GTF3C2: variants seen among roughly 807,000 people sequenced by gnomAD.
GTF3C2 encodes the protein general transcription factor 3C polypeptide 2.
Under a neutral mutation model 117.4 loss-of-function variants are expected in GTF3C2, and 17 were observed. The ratio of observed to expected loss-of-function variants is 0.14; its 90% CI spans 0.10 to 0.22. The LOEUF is 0.22. GTF3C2 is among the 10% of genes least tolerant of loss of function. The pLI is 1.00. For missense variants in GTF3C2, 888 were observed against 1,143.6 expected (o/e 0.78, Z 3.22); for synonymous variants, 437 against 427.0 (o/e 1.02, Z -0.29).
chr2:27,326,109 C>T (rs1028253193), exon 19 of GTF3C2: 18 of 425,130 alleles, frequency 4.2e-5, no homozygotes, highest in Non-Finnish European at 7.7e-5. Context: ...AGATCTGAGC[C>T]ACTGTTCTAT....
Position 27,341,821 on chromosome 2 carries a change from C to T in GTF3C2, c.855+127G>A, listed in dbSNP as rs535704706. 212 of 781,560 alleles carry T rather than the reference C, an allele frequency of 2.7e-4. No individual in the cohort carries two copies. The African/African-American group carries it at 3.5e-3, about 13-fold the overall frequency. The allele number at this position is 781,560 out of a possible 1,614,324, so 48.4% of individuals were successfully genotyped here. A position where few individuals can be genotyped will look rare whatever the true frequency, so the allele number is the denominator to read the frequency against. On this transcript the variant is annotated intron_variant, in intron 4 of 18. Transcript: ENST00000264720. ...ATGCCAAATGTTTTGGAAATGGACC[C>T]TTTTTTCTTTAACCTGTTTTGTCTA...
chr2:27,348,246 G>A (rs983043575), intron 1 of GTF3C2, among the ~76,000 whole-genome samples: 12 of 148,414 alleles, frequency 8.1e-5, no homozygotes, highest in Admixed American at 2.0e-4. Context: ...CAGCCTGGGC[G>A]ACAGAGCAGG....
chr2:27,345,720 T>C (rs2148320135), intron 1 of GTF3C2, among the ~76,000 whole-genome samples: 1 of 151,806 alleles, frequency 6.6e-6, no homozygotes, highest in South Asian at 2.1e-4. Flanking sequence ...TTTTCCTTTT[T>C]TTTTTTTTTT....
At chr2:27,346,314 G>A (rs909388269) in intron 1 of GTF3C2, among the ~76,000 whole-genome samples, 5 of 130,830 alleles carry the variant, frequency 3.8e-5, no homozygotes, top group Admixed American at 8.1e-5. Context: ...GTTAGCCACC[G>A]TGCCCATTCT....
At chr2:27,328,253 TG>T in intron 16 of GTF3C2, 64 bp from the exon 17 acceptor site, 1 of 1,366,000 alleles carries the variant, frequency 7.3e-7, no homozygotes, top group Non-Finnish European at 1.0e-6. Flanking sequence ...CAGAGGAAAG[TG>T]GTTTGGGCAG....
chr2:27,335,154 T>C (rs1039713897), intron 10 of GTF3C2, among the ~76,000 whole-genome samples: 1 of 152,200 alleles, frequency 6.6e-6, no homozygotes, highest in African/African-American at 2.4e-5. Context: ...CTCCTTTTGC[T>C]CATCTTCAGC....
At chr2:27,326,633 T>C in exon 19 of GTF3C2, 2 of 1,470,970 alleles carry the variant, frequency 1.4e-6, no homozygotes, top group African/African-American at 2.8e-5. Context: ...GGGCCATTTG[T>C]TCTTGACCGA....
chr2:27,337,568 C>G lies in GTF3C2; in HGVS notation c.951-10G>C, dbSNP rs779935998. ...ATGTTTCTGCTCTCGGCTGGAGAAA[C>G]AGAAGAAGCATTAATGAAGGAGAGG... is the stretch of plus-strand genomic sequence containing the variant. On this transcript the variant is annotated splice_polypyrimidine_tract_variant and intron_variant, in intron 5 of 18. Coordinates refer to ENST00000264720, the Ensembl canonical transcript of GTF3C2. 3 of 1,580,444 alleles carry G rather than the reference C, an allele frequency of 1.9e-6. No homozygotes were observed. Among genetic ancestry groups the G allele is most frequent in the Non-Finnish European group, 2.6e-6 (3 of 1,149,506 alleles).
chr2:27,333,851 T>A, intron 11 of GTF3C2, 67 bp from the exon 12 acceptor site: 1 of 1,531,230 alleles, frequency 6.5e-7, no homozygotes, highest in South Asian at 1.1e-5. Context: ...AAAGCTCAAA[T>A]CAGTGCTTAA....
At chr2:27,356,324 G>C (rs1681377620) in intron 1 of GTF3C2, 2 of 353,738 alleles carry the variant, frequency 5.7e-6, no homozygotes, top group African/African-American at 4.3e-5. Flanking sequence ...AACCACTCTA[G>C]GGGCCATCAC....
At chr2:27,335,353 T>C (rs1042268732) in intron 10 of GTF3C2, 8 of 635,092 alleles carry the variant, frequency 1.3e-5, no homozygotes, top group Admixed American at 1.1e-4. Flanking sequence ...GGGAAAGTCT[T>C]GAGAGCACAG....
chr2:27,355,520 CAA>C (rs760768422), intron 1 of GTF3C2, among the ~76,000 whole-genome samples: 6 of 128,356 alleles, frequency 4.7e-5, no homozygotes, highest in Non-Finnish European at 1.7e-5. Flanking sequence ...AACTCCGTAT[CAA>C]AAAAAAAAAA....
intron 12 of GTF3C2, among the ~76,000 whole-genome samples, chr2:27,333,114 C>G (rs1012392661): frequency 6.6e-6 from 1 of 150,896 alleles, no homozygotes; most frequent in Non-Finnish European, 1.5e-5. Flanking sequence ...ACCCAAAGTA[C>G]TGGAATTATA....
In GTF3C2 at chr2:27,337,369, A is replaced by G. The variant is rs368545649; in HGVS notation, c.1029-27T>C. ...TGGGGGAAGACAAAGGGAACAGTCTAAATTTGGAAGTGTTTCACCCATCTC... is the reference window on the plus strand; with the variant it reads ...TGGGGGAAGACAAAGGGAACAGTCTGAATTTGGAAGTGTTTCACCCATCTC... On this transcript the variant is annotated intron_variant, in intron 6 of 18. Coordinates refer to ENST00000264720, the Ensembl canonical transcript of GTF3C2. 3.9e-6 allele frequency: 6 copies of G among 1,546,084 alleles called. No individual in the cohort carries two copies. The African/African-American group carries it at 6.8e-5, about 18-fold the overall frequency.
At chr2:27,343,185 A>T (rs764852050) in intron 2 of GTF3C2, 38 bp from the exon 3 acceptor site, 6 of 1,511,188 alleles carry the variant, frequency 4.0e-6, no homozygotes, top group Non-Finnish European at 5.4e-6. Context: ...ATGGGACCAG[A>T]ACTCAAACCT....
intron 1 of GTF3C2, among the ~76,000 whole-genome samples, chr2:27,344,409 A>G (rs1268828604): frequency 6.6e-6 from 1 of 152,202 alleles, no homozygotes; most frequent in Non-Finnish European, 1.5e-5. Flanking sequence ...TAAAGCTCAT[A>G]TATTTTCTTG....
chr2:27,346,672 C>G (rs942808582), intron 1 of GTF3C2, among the ~76,000 whole-genome samples: 2 of 151,662 alleles, frequency 1.3e-5, no homozygotes, highest in African/African-American at 4.8e-5. Flanking sequence ...TATGCCTTGC[C>G]TTTTTTAATT....
Position 27,329,265 on chromosome 2 carries a change from G to C in GTF3C2, c.1895C>G (p.Ala632Gly). Residue 632 changes from alanine to glycine, a missense_variant, in exon 14 of 19, where the codon GCG becomes GGG. By Grantham distance (60) the Ala-to-Gly change is moderately conservative. Transcript: ENST00000264720. This position sits in a 1 kb window ranked among gnomAD's most constrained non-coding sequence, Gnocchi z 4.5. ...GAATTTGATTTTCCGGTCACTCCCCGCAGAGACAAGGAAATGGCTGTAAAA... is the reference window on the plus strand; with the variant it reads ...GAATTTGATTTTCCGGTCACTCCCCCCAGAGACAAGGAAATGGCTGTAAAA... The C allele has an allele frequency of 6.2e-7, 1 of 1,614,154 alleles. No individual in the cohort carries two copies. Among genetic ancestry groups the C allele is most frequent in the African/African-American group, 1.3e-5 (1 of 75,038 alleles).
chr2:27,326,312 C>CCATT (rs919704690), exon 19 of GTF3C2: 6 of 461,912 alleles, frequency 1.3e-5, no homozygotes, highest in Admixed American at 2.9e-5. Context: ...CTCCATACAC[C>CCATT]CATTCACAAG....
Sources: allele counts gnomAD v4.1 joint callset (sites outside exome capture counted in the v4.1 genomes callset), GRCh38; gene constraint gnomAD v4.1.1; non-coding constraint Gnocchi (gnomAD v3.1); transcripts MANE v1.5; gene names NCBI Gene and HGNC (gene_info 2026-07-23, HGNC 2026-07-21).